FNDC1: variants seen among roughly 807,000 people sequenced by gnomAD.
FNDC1 encodes fibronectin type III domain containing 1, also known as fibronectin type III domain-containing protein 1.
FNDC1 carries 96 observed loss-of-function variants against 168.0 expected under a neutral mutation model. That is an observed-to-expected ratio of 0.57 (90% CI 0.48 to 0.68). The LOEUF (loss-of-function observed/expected upper bound fraction) is 0.68, where lower values mean the gene tolerates loss of function less well. FNDC1 is among the 30% of genes least tolerant of loss of function. The pLI is 0.00. For missense variants in FNDC1, 2,587 were observed against 2,482.1 expected (o/e 1.04, Z -0.90); for synonymous variants, 1,099 against 1,025.9 (o/e 1.07, Z -1.36).
Position 159,232,439 on chromosome 6 carries a change from G to C in FNDC1, c.1927G>C (p.Asp643His). 4 of 1,611,748 alleles carry C rather than the reference G, an allele frequency of 2.5e-6. No individual in the cohort carries two copies. The highest frequency in any genetic ancestry group is 3.4e-6 in the Non-Finnish European group (4 of 1,178,434). Residue 643 changes from aspartate to histidine, a missense_variant, in exon 11 of 23, where the codon GAC becomes CAC. Asp to His is a moderately conservative substitution (Grantham distance 81). Coordinates refer to ENST00000297267, the MANE Select transcript of FNDC1 (RefSeq NM_032532.3). The surrounding 1 kb of genome is among the most constrained non-coding windows in gnomAD (Gnocchi z 4.9). ...CCTGCCTGCCAGCTTGAATGACAAC[G>C]ACTTGGTGGACTCAGACGAAGATGA... ...PSLPASLNDNDLVDSDEDERA... is the reference protein window; with the variant it reads ...PSLPASLNDNHLVDSDEDERA...
chr6:159,187,599 G>A (rs112661324), intron 1 of FNDC1, among the ~76,000 whole-genome samples: 16 of 152,024 alleles, frequency 1.1e-4, no homozygotes, highest in African/African-American at 1.9e-4. Flanking sequence ...CAGCCTCCTC[G>A]GGGAAAATTC....
intron 1 of FNDC1, among the ~76,000 whole-genome samples, chr6:159,193,296 G>T (rs1468015629): frequency 6.6e-6 from 1 of 152,114 alleles, no homozygotes; most frequent in Non-Finnish European, 1.5e-5. Flanking sequence ...TTCGTCACCG[G>T]AACCTAAACT....
chr6:159,235,321 T>C (rs965142600), intron 11 of FNDC1, among the ~76,000 whole-genome samples: 1 of 152,150 alleles, frequency 6.6e-6, no homozygotes, highest in Non-Finnish European at 1.5e-5. Context: ...GAATGTATTT[T>C]TTTTTTTTGC....
chr6:159,174,929 T>C (rs866880292), intron 1 of FNDC1, among the ~76,000 whole-genome samples: 7 of 152,368 alleles, frequency 4.6e-5, no homozygotes, highest in Middle Eastern at 3.4e-3. Context: ...TTAATTTTTG[T>C]ATCCAGAGAG....
At chr6:159,190,058 C>T (rs780717926) in intron 1 of FNDC1, among the ~76,000 whole-genome samples, 9 of 152,270 alleles carry the variant, frequency 5.9e-5, no homozygotes, top group Non-Finnish European at 8.8e-5. Context: ...CTGATAGGGG[C>T]GGTATTCCCA....
At chr6:159,210,768 T>C (rs905826250) in intron 4 of FNDC1, among the ~76,000 whole-genome samples, 2 of 152,166 alleles carry the variant, frequency 1.3e-5, no homozygotes, top group Non-Finnish European at 2.9e-5. Flanking sequence ...GGAGTTCAGA[T>C]GCAGAGTATG....
intron 14 of FNDC1, among the ~76,000 whole-genome samples, chr6:159,240,211 A>T (rs1405775342): frequency 1.3e-5 from 2 of 152,212 alleles, no homozygotes; most frequent in East Asian, 3.8e-4. Flanking sequence ...TTAAAGTCAG[A>T]TTTAACTGGG....
At chr6:159,193,076 T>C (rs1014866850) in intron 1 of FNDC1, among the ~76,000 whole-genome samples, 11 of 152,090 alleles carry the variant, frequency 7.2e-5, no homozygotes, top group African/African-American at 2.2e-4. Context: ...AAGGTAGAGG[T>C]CACTGACTGG....
intron 1 of FNDC1, among the ~76,000 whole-genome samples, chr6:159,173,120 C>T (rs76915525): frequency 0.016 from 2,417 of 152,272 alleles, 72 homozygotes; most frequent in African/African-American, 0.055. Flanking sequence ...AGAAACATAA[C>T]CTCCTTGGCA....
chr6:159,170,285 A>G (rs1448434000), intron 1 of FNDC1, among the ~76,000 whole-genome samples: 4 of 152,324 alleles, frequency 2.6e-5, no homozygotes, highest in Non-Finnish European at 4.4e-5. Flanking sequence ...CCCGGGGGGA[A>G]CGTTCAAGCT....
At chr6:159,258,057 G>A (rs1357732430) in intron 18 of FNDC1, among the ~76,000 whole-genome samples, 3 of 152,116 alleles carry the variant, frequency 2.0e-5, no homozygotes, top group Non-Finnish European at 2.9e-5. Context: ...CGAGTCCAGC[G>A]TTCTTTCCAC....
chr6:159,215,021 A>G lies in FNDC1; in HGVS notation c.537A>G (p.Ala179=). ...SDDRLSVAWK[A]PRLSGAKSPR... is the part of the protein sequence containing the mutation. ...ACAGGCTGTCCGTTGCGTGGAAGGC[A>G]CCACGCCTGTCTGGAGCCAAGAGTC... Residue 179 remains alanine (A), a synonymous_variant, in exon 5 of 23, where the codon GCA becomes GCG. Coordinates refer to ENST00000297267, the MANE Select transcript of FNDC1 (RefSeq NM_032532.3). The G allele has an allele frequency of 1.2e-6, 2 of 1,613,974 alleles. No individual in the cohort carries two copies. Among genetic ancestry groups the G allele is most frequent in the Non-Finnish European group, 1.7e-6 (2 of 1,179,864 alleles).
At chr6:159,204,991 A>G (rs1782458650) in intron 4 of FNDC1, among the ~76,000 whole-genome samples, 1 of 151,672 alleles carries the variant, frequency 6.6e-6, no homozygotes, top group African/African-American at 2.4e-5. Context: ...TCCCTCCTGA[A>G]CCCTCACTGC....
chr6:159,213,219 T>A (rs763398986), intron 4 of FNDC1, among the ~76,000 whole-genome samples: 1 of 152,162 alleles, frequency 6.6e-6, no homozygotes, highest in African/African-American at 2.4e-5. Flanking sequence ...AGCAGAAAGC[T>A]GTTGTCCCTG....
chr6:159,222,590 G>A (rs943608989), intron 6 of FNDC1, among the ~76,000 whole-genome samples: 2 of 152,182 alleles, frequency 1.3e-5, no homozygotes, highest in Non-Finnish European at 2.9e-5. Flanking sequence ...TTTGAACTAA[G>A]ACTATAAGCT....
chr6:159,225,517 T>C lies in FNDC1; in HGVS notation c.885-18T>C, dbSNP rs1374139618. The C allele has an allele frequency of 3.2e-6, 5 of 1,586,798 alleles. No homozygotes were observed. The highest frequency in any genetic ancestry group is 4.3e-6 in the Non-Finnish European group (5 of 1,160,728). On this transcript the variant is annotated intron_variant, in intron 7 of 22. Transcript: ENST00000297267. ...GGCAGAGAATTTGGACAGATCATTG[T>C]GTTGTGTTTTCTTACAGACAGTACA...
Position 159,221,682 on chromosome 6 carries a change from A to C in FNDC1, c.752A>C (p.Lys251Thr), listed in dbSNP as rs1269367182. The C allele has an allele frequency of 6.2e-7, 1 of 1,613,696 alleles. No homozygotes were observed. Among genetic ancestry groups the C allele is most frequent in the African/African-American group, 1.3e-5 (1 of 74,922 alleles). ...SQPVYRAALT[K>T]RKISEEDELD... Reference sequence around the variant, plus strand: ...CCAGTCTACAGGGCTGCCCTAACAAAGCGAAAGATTTCAGGTATGTTTCTA... The same window carrying C: ...CCAGTCTACAGGGCTGCCCTAACAACGCGAAAGATTTCAGGTATGTTTCTA... The change falls in exon 6 of 23, where the codon AAG becomes ACG. Residue 251 changes from lysine to threonine, a missense_variant. Physicochemically the swap from Lys to Thr is moderately conservative, Grantham distance 78. Coordinates refer to ENST00000297267, the MANE Select transcript of FNDC1 (RefSeq NM_032532.3).
intron 6 of FNDC1, 29 bp downstream of exon 6, chr6:159,221,725 A>G (rs772483431): frequency 1.3e-6 from 2 of 1,525,112 alleles, no homozygotes; most frequent in East Asian, 4.5e-5. Flanking sequence ...ATTTGGTCAA[A>G]CCATAGTCTG....
chr6:159,267,798 A>T lies in FNDC1; in HGVS notation c.5447-6A>T. ...AGTCATGGACTCAATCAATTCCTTCATGCAGATACATTCTACAGCATTGGA... is the reference window on the plus strand; with the variant it reads ...AGTCATGGACTCAATCAATTCCTTCTTGCAGATACATTCTACAGCATTGGA... On this transcript the variant is annotated splice_polypyrimidine_tract_variant and splice_region_variant and intron_variant, in intron 21 of 22. Coordinates refer to ENST00000297267, the MANE Select transcript of FNDC1 (RefSeq NM_032532.3). The T allele has an allele frequency of 6.2e-7, 1 of 1,613,718 alleles. No individual in the cohort carries two copies. The highest frequency in any genetic ancestry group is 8.5e-7 in the Non-Finnish European group (1 of 1,179,774).
Sources: gnomAD v4.1 joint callset for allele counts (sites outside exome capture counted in the v4.1 genomes callset) on GRCh38, gnomAD v4.1.1 for gene constraint, Gnocchi (gnomAD v3.1) non-coding constraint, MANE v1.5 for transcripts, NCBI Gene and HGNC (gene_info 2026-07-23, HGNC 2026-07-21) for gene names.